NLK: variants seen among roughly 807,000 people sequenced by gnomAD.
NLK encodes the protein nemo like kinase, also known as serine/threonine-protein kinase NLK.
NLK carries 11 observed loss-of-function variants against 59.0 expected under a neutral mutation model. That is an observed-to-expected ratio of 0.19 (90% CI 0.12 to 0.31). The LOEUF is 0.31. NLK is among the 10% of genes least tolerant of loss of function. The pLI, the probability that NLK is intolerant of heterozygous loss-of-function variation, is 1.00. For missense variants in NLK, 410 were observed against 661.1 expected (o/e 0.62, Z 4.16); for synonymous variants, 235 against 235.9 (o/e 1.00, Z 0.03).
chr17:28,131,181 G>A (rs1352023356), intron 2 of NLK, among the ~76,000 whole-genome samples: 5 of 151,824 alleles, frequency 3.3e-5, no homozygotes, highest in South Asian at 2.1e-4. Flanking sequence ...AAAATGAACC[G>A]GGTTTCTTCT....
At chr17:28,141,331 G>A (rs1280778461) in intron 3 of NLK, among the ~76,000 whole-genome samples, 1 of 152,022 alleles carries the variant, frequency 6.6e-6, no homozygotes, top group African/African-American at 2.4e-5. Flanking sequence ...GTTTCTTTTA[G>A]TAACTTTGTC....
intron 7 of NLK, among the ~76,000 whole-genome samples, chr17:28,173,754 T>C (rs1908563907): frequency 6.6e-6 from 1 of 152,222 alleles, no homozygotes; most frequent in Non-Finnish European, 1.5e-5. Context: ...ACAAGATCTA[T>C]TATGTTCCAT....
At chr17:28,147,952 AG>A (rs1382752393) in intron 3 of NLK, among the ~76,000 whole-genome samples, 1 of 152,232 alleles carries the variant, frequency 6.6e-6, no homozygotes, top group Non-Finnish European at 1.5e-5. Flanking sequence ...TTTAATATCC[AG>A]GTTTTTTAAT....
chr17:28,064,935 T>C lies in NLK; in HGVS notation c.458+21604T>C, dbSNP rs146582495. Among the ~76,000 whole-genome samples the C allele has an allele frequency of 2.9e-3, 439 of 152,314 alleles. 1 individual carries two copies. Among genetic ancestry groups the C allele is most frequent in the Middle Eastern group, 0.017 (5 of 294 alleles). ...CCTGTAGTCAACACTCAATAAATAT[T>C]AGCTGTTTTAATTGTTATCTCTTAG... On this transcript the variant is annotated intron_variant, in intron 1 of 10. Transcript: ENST00000407008.
chr17:28,105,401 G>A (rs1490945668), intron 1 of NLK, among the ~76,000 whole-genome samples: 3 of 152,002 alleles, frequency 2.0e-5, no homozygotes, highest in Non-Finnish European at 4.4e-5. Context: ...TTCTTAGTTT[G>A]TATACCAGTT....
chr17:28,090,780 A>G (rs961754748), intron 1 of NLK, among the ~76,000 whole-genome samples: 1 of 152,114 alleles, frequency 6.6e-6, no homozygotes, highest in African/African-American at 2.4e-5. Flanking sequence ...TACTTCAAAG[A>G]TGTTACTCTG....
chr17:28,102,229 T>C (rs930989377), intron 1 of NLK, among the ~76,000 whole-genome samples: 6 of 152,228 alleles, frequency 3.9e-5, no homozygotes, highest in Non-Finnish European at 8.8e-5. Flanking sequence ...CTCTCACTTT[T>C]GGATTATTTG....
chr17:28,070,386 C>T (rs1297847496), intron 1 of NLK, among the ~76,000 whole-genome samples: 6 of 135,222 alleles, frequency 4.4e-5, no homozygotes, highest in African/African-American at 5.5e-5. Flanking sequence ...GACGGAATCT[C>T]GCCCTGTTGC....
intron 3 of NLK, among the ~76,000 whole-genome samples, chr17:28,160,230 G>GA (rs930202751): frequency 1.1e-4 from 17 of 152,074 alleles, no homozygotes; most frequent in Non-Finnish European, 8.8e-5. Context: ...AAGCGATTTG[G>GA]AAAAAATGTC....
At chr17:28,118,773 G>C (rs991485436) in intron 1 of NLK, among the ~76,000 whole-genome samples, 2 of 152,150 alleles carry the variant, frequency 1.3e-5, no homozygotes, top group African/African-American at 4.8e-5. Flanking sequence ...GAATTTATGA[G>C]TATAAAGAAG....
At chr17:28,173,029 C>G (rs1372161663) in intron 7 of NLK, among the ~76,000 whole-genome samples, 1 of 152,178 alleles carries the variant, frequency 6.6e-6, no homozygotes, top group Non-Finnish European at 1.5e-5. Flanking sequence ...TGCTATTGCA[C>G]TCTTGCCACT....
intron 3 of NLK, among the ~76,000 whole-genome samples, chr17:28,154,968 G>A (rs1907640261): frequency 6.6e-6 from 1 of 152,084 alleles, no homozygotes; most frequent in Admixed American, 6.5e-5. Context: ...GGAAATGGAG[G>A]TTGCAGAATT....
chr17:28,175,604 A>G lies in NLK; in HGVS notation c.1149+2986A>G, dbSNP rs1908648249. 2.0e-5 allele frequency among the ~76,000 whole-genome samples: 3 copies of G among 152,202 alleles called. 1 individual carries two copies. The highest frequency in any genetic ancestry group is 4.4e-5 in the Non-Finnish European group (3 of 68,036). On this transcript the variant is annotated intron_variant, in intron 7 of 10. Transcript: ENST00000407008. ...CCTCCCTTTGTGACTTAGGCAGATT[A>G]TTTAACCTCTGTGTATATCAGTTCA...
At chr17:28,065,171 A>T (rs1316497123) in intron 1 of NLK, among the ~76,000 whole-genome samples, 1 of 152,184 alleles carries the variant, frequency 6.6e-6, no homozygotes, top group African/African-American at 2.4e-5. Flanking sequence ...TAGATGGGAT[A>T]CCAAGGGCCT....
intron 3 of NLK, among the ~76,000 whole-genome samples, chr17:28,140,640 T>G (rs1308044661): frequency 6.6e-6 from 1 of 152,156 alleles, no homozygotes; most frequent in East Asian, 1.9e-4. Context: ...GTTGTTGCCA[T>G]TACCTTTAAG....
chr17:28,062,967 G>C (rs1909715162), intron 1 of NLK, among the ~76,000 whole-genome samples: 1 of 152,166 alleles, frequency 6.6e-6, no homozygotes, highest in Admixed American at 6.5e-5. Flanking sequence ...AGACAGCTCT[G>C]TCGCCCAGGT....
intron 1 of NLK, among the ~76,000 whole-genome samples, chr17:28,080,718 T>G (rs968381337): frequency 6.6e-6 from 1 of 152,216 alleles, no homozygotes; most frequent in African/African-American, 2.4e-5. Context: ...ATCAGCTTAG[T>G]GCATAATCAT....
chr17:28,135,031 G>A (rs926781097), intron 3 of NLK, among the ~76,000 whole-genome samples: 2 of 152,166 alleles, frequency 1.3e-5, no homozygotes, highest in African/African-American at 4.8e-5. Flanking sequence ...TTCAGCAGAA[G>A]TACCTTCTTA....
chr17:28,193,824 C>T (rs1410772493), intron 10 of NLK, among the ~76,000 whole-genome samples: 1 of 152,162 alleles, frequency 6.6e-6, no homozygotes, highest in Non-Finnish European at 1.5e-5. Context: ...TTAAGTTGCA[C>T]TTTTACTTAT....
Sources: allele counts gnomAD v4.1 joint callset (sites outside exome capture counted in the v4.1 genomes callset), GRCh38; gene constraint gnomAD v4.1.1; transcripts MANE v1.5; gene names NCBI Gene and HGNC (gene_info 2026-07-23, HGNC 2026-07-21).